Variants in USP24 observed in about 807,000 individuals in gnomAD.
USP24 encodes the protein ubiquitin carboxyl-terminal hydrolase 24.
Under a neutral mutation model 361.6 loss-of-function variants are expected in USP24, and 97 were observed. That is an observed-to-expected ratio of 0.27 (90% CI 0.23 to 0.32). The LOEUF (loss-of-function observed/expected upper bound fraction) is 0.32. Ranked by LOEUF, USP24 falls within the 10% of genes least tolerant of loss-of-function variation. The pLI is 1.00. For missense variants in USP24, 2,353 were observed against 3,165.6 expected (o/e 0.74, Z 6.16); for synonymous variants, 1,098 against 1,124.6 (o/e 0.98, Z 0.47).
chr1:55,110,530 A>G (rs1019856331), intron 38 of USP24, among the ~76,000 whole-genome samples: 2 of 152,192 alleles, frequency 1.3e-5, no homozygotes, highest in Non-Finnish European at 1.5e-5. Context: ...CATTACATTC[A>G]TTCATTCATT....
chr1:55,209,344 C>CAAGAG (rs1644794519), intron 1 of USP24, among the ~76,000 whole-genome samples: 1 of 152,088 alleles, frequency 6.6e-6, no homozygotes, highest in Non-Finnish European at 1.5e-5. Context: ...CACACTGGAA[C>CAAGAG]CTCTTCTTGA....
At chr1:55,162,347 C>A in intron 7 of USP24, 83 bp from the exon 8 acceptor site, 1 of 1,265,458 alleles carries the variant, frequency 7.9e-7, no homozygotes, top group Non-Finnish European at 1.1e-6. Context: ...TTTCATGTAT[C>A]AGAGAAAAGT....
At chr1:55,085,896 T>C (rs1173744738) in intron 56 of USP24, 46 bp downstream of exon 56, 1 of 1,564,290 alleles carries the variant, frequency 6.4e-7, no homozygotes, top group Admixed American at 1.7e-5. Context: ...TTAAAACATT[T>C]GGTAAAAACA....
chr1:55,072,901 T>C (rs1476901761), intron 64 of USP24, 40 bp from the exon 65 acceptor site: 6 of 1,561,210 alleles, frequency 3.8e-6, no homozygotes, highest in African/African-American at 2.7e-5. Context: ...AATTCTTTCT[T>C]TGCTTGTTCC....
rs1412807512 is a variant in USP24, at chr1:55,148,496, T to C, written c.1935A>G (p.Ser645=). The change falls in exon 17 of 68, where the codon TCA becomes TCG. Residue 645 remains serine, a synonymous_variant. Coordinates refer to ENST00000294383, the MANE Select transcript of USP24 (RefSeq NM_015306.3). ...ALRQLHEITR[S]FIKQTYQKQD... ...GCTTTTGATAGGTTTGTTTTATGAA[T>C]GAGCGAGTAATTTCATGGAGCTGAC... The C allele has an allele frequency of 3.1e-6, 5 of 1,591,652 alleles. No homozygotes were observed. The South Asian group carries it at 3.4e-5, about 11-fold the overall frequency.
At chr1:55,197,660 T>C (rs986047982) in intron 1 of USP24, among the ~76,000 whole-genome samples, 1 of 152,250 alleles carries the variant, frequency 6.6e-6, no homozygotes, top group African/African-American at 2.4e-5. Context: ...TGTTACTCAA[T>C]GGAGCTCTAT....
chr1:55,077,924 G>A (rs1234734945), intron 61 of USP24, among the ~76,000 whole-genome samples: 1 of 152,212 alleles, frequency 6.6e-6, no homozygotes, highest in Non-Finnish European at 1.5e-5. Flanking sequence ...CATAGAGGAA[G>A]AAACTGCCCA....
In USP24 at chr1:55,081,324, A is replaced by C. The variant is rs375063988; in HGVS notation, c.7076T>G (p.Val2359Gly). ...LHSDVSSQRN[V>G]APGIFKQRPP... ...ATTCTAAGATATGTTAAGCTTACCA[A>C]CATTCCTTTGGGATGAGACATCTGA... The change falls in exon 59 of 68, where the codon GTT (valine) becomes GGT (glycine). Residue 2359 changes from valine (V) to glycine (G), a missense_variant and splice_region_variant. By Grantham distance (109) the Val-to-Gly change is moderately radical (BLOSUM62 -3). Around this residue, in one of 8 missense-constraint regions of USP24, gnomAD observed 598 missense variants for 761.9 expected, o/e 0.78. Coordinates refer to ENST00000294383, the MANE Select transcript of USP24 (RefSeq NM_015306.3). The C allele has an allele frequency of 6.8e-6, 11 of 1,613,342 alleles. No individual in the cohort carries two copies. The highest frequency in any genetic ancestry group is 9.3e-6 in the Non-Finnish European group (11 of 1,179,520).
intron 39 of USP24, among the ~76,000 whole-genome samples, chr1:55,109,624 G>A (rs534646927): frequency 1.3e-5 from 2 of 151,998 alleles, no homozygotes; most frequent in African/African-American, 4.8e-5. Flanking sequence ...TTAATTTCCT[G>A]TAAGCTGAAG....
At chr1:55,189,300 T>C (rs2100868737) in intron 1 of USP24, among the ~76,000 whole-genome samples, 1 of 152,352 alleles carries the variant, frequency 6.6e-6, no homozygotes, top group African/African-American at 2.4e-5. Context: ...TTTATGTCCA[T>C]GTGTTATATC....
At chr1:55,093,790 G>C in intron 52 of USP24, 147 bp downstream of exon 52, 2 of 1,115,492 alleles carry the variant, frequency 1.8e-6, no homozygotes, top group Non-Finnish European at 2.5e-6. Context: ...CCTCTGTGTC[G>C]TGGCATAAAA....
At chr1:55,214,660 T>C (rs1644939194) in intron 1 of USP24, 130 bp downstream of exon 1, 4 of 812,658 alleles carry the variant, frequency 4.9e-6, no homozygotes, top group South Asian at 5.9e-5. Context: ...TCTCTCTCTC[T>C]CCGCCCCGCC....
chr1:55,183,912 C>T (rs1351309363), intron 1 of USP24, among the ~76,000 whole-genome samples: 1 of 151,932 alleles, frequency 6.6e-6, no homozygotes, highest in Non-Finnish European at 1.5e-5. Context: ...AAGGTCAATA[C>T]AACAGGAAGA....
intron 2 of USP24, 74 bp from the exon 3 acceptor site, chr1:55,176,517 A>G: frequency 7.3e-7 from 1 of 1,360,548 alleles, no homozygotes; most frequent in Non-Finnish European, 1.0e-6. Flanking sequence ...TGAATGAAAT[A>G]ATACACGTTA....
chr1:55,083,886 T>C lies in USP24; in HGVS notation c.6768A>G (p.Leu2256=). Residue 2256 remains leucine (L), a splice_region_variant and synonymous_variant, in exon 57 of 68, where the codon TTA becomes TTG. Transcript: ENST00000294383. The stretch of plus-strand genomic sequence containing the variant: ...CCTCCAGTAACTGATGAAGGCTTTT[T>C]AACTGGTTAGAGGAAAGATAAAATT... ...LDSALFYQDK[L]KSLHQLLEVL... is the part of the protein sequence containing the mutation. 1.9e-6 allele frequency: 3 copies of C among 1,587,786 alleles called. No individual in the cohort carries two copies. Among genetic ancestry groups the C allele is most frequent in the Non-Finnish European group, 2.6e-6 (3 of 1,166,182 alleles).
intron 56 of USP24, among the ~76,000 whole-genome samples, chr1:55,085,063 T>G (rs1418997319): frequency 6.6e-6 from 1 of 152,086 alleles, no homozygotes; most frequent in Non-Finnish European, 1.5e-5. Context: ...TGGCTTGTAT[T>G]CTATATTTTG....
In USP24 at chr1:55,153,933, A is replaced by G; in HGVS notation, c.1813-16T>C. The G allele has an allele frequency of 6.4e-7, 1 of 1,550,600 alleles. No homozygotes were observed. The highest frequency in any genetic ancestry group is 8.7e-7 in the Non-Finnish European group (1 of 1,146,518). Reference sequence around the variant, plus strand: ...ATTCTCCAGGCTGAAAATTCATTTTAAGAGAAATATAAGTGACTTGGTAAA... The same window carrying G: ...ATTCTCCAGGCTGAAAATTCATTTTGAGAGAAATATAAGTGACTTGGTAAA... On this transcript the variant is annotated splice_polypyrimidine_tract_variant and intron_variant, in intron 15 of 67. Transcript: ENST00000294383.
intron 51 of USP24, among the ~76,000 whole-genome samples, chr1:55,094,392 T>C (rs1645448601): frequency 6.6e-6 from 1 of 152,132 alleles, no homozygotes; most frequent in Admixed American, 6.6e-5. Flanking sequence ...AAGCACAAAA[T>C]GAATTCTTCC....
At chr1:55,077,198 T>A in intron 62 of USP24, 37 bp downstream of exon 62, 1 of 1,443,256 alleles carries the variant, frequency 6.9e-7, no homozygotes. Context: ...ACTAATACAT[T>A]CCTAAATAAA....
Sources: gnomAD v4.1 joint callset for allele counts (sites outside exome capture counted in the v4.1 genomes callset) on GRCh38, gnomAD v4.1.1 for gene constraint, gnomAD v4.1.1 regional missense constraint, MANE v1.5 for transcripts, NCBI Gene and HGNC (gene_info 2026-07-23, HGNC 2026-07-21) for gene names.